The following MRPL1 variants were observed in gnomAD, a reference collection of about 807,000 sequenced individuals.
The protein encoded by MRPL1 is mitochondrial ribosomal protein L1, also known as large ribosomal subunit protein uL1m.
In MRPL1, 28 loss-of-function variants were observed where a neutral mutation model predicts 38.0. That is an observed-to-expected ratio of 0.74 (90% confidence interval 0.55 to 1.01). The LOEUF (loss-of-function observed/expected upper bound fraction) is 1.01. Among genes scored for constraint, MRPL1 ranks in the 50% least tolerant of loss-of-function variants. The pLI is 0.00. For synonymous variants in MRPL1, 123 were observed against 126.7 expected, an observed-to-expected ratio of 0.97 and a Z score of 0.20; for missense variants, 358 against 389.8, an observed-to-expected ratio of 0.92 and a Z score of 0.69.
At chr4:77,949,473 G>A (rs1737355973) in intron 7 of MRPL1, among the ~76,000 whole-genome samples, 1 of 152,028 alleles carries the variant, frequency 6.6e-6, no homozygotes, top group Admixed American at 6.6e-5. Flanking sequence ...AAATGTCACT[G>A]TTTTCTTGGG....
intron 1 of MRPL1, among the ~76,000 whole-genome samples, chr4:77,863,461 A>ATTTTTTTT (rs969402527): frequency 0.038 from 4,275 of 112,318 alleles, 288 homozygotes; most frequent in South Asian, 0.057. Context: ...TTGTGCAACA[A>ATTTTTTTT]TTTTTTTTTT....
At chr4:77,893,876 G>C (rs1285555881) in intron 5 of MRPL1, among the ~76,000 whole-genome samples, 1 of 151,994 alleles carries the variant, frequency 6.6e-6, no homozygotes, top group East Asian at 1.9e-4. Flanking sequence ...GTTGTGACTT[G>C]TAACACTTTT....
At chr4:77,942,196 T>A (rs943889859) in intron 7 of MRPL1, among the ~76,000 whole-genome samples, 1 of 152,182 alleles carries the variant, frequency 6.6e-6, no homozygotes, top group Non-Finnish European at 1.5e-5. Context: ...TGGAGTTGAT[T>A]TCTACTTTTA....
intron 7 of MRPL1, among the ~76,000 whole-genome samples, chr4:77,911,642 A>G (rs1177810300): frequency 6.6e-6 from 1 of 152,102 alleles, no homozygotes; most frequent in Non-Finnish European, 1.5e-5. Flanking sequence ...TCATGGTAAT[A>G]ATATGTACCT....
rs775648208 is a variant in MRPL1, at chr4:77,883,369, T to G, written c.271T>G (p.Leu91Val). The G allele has an allele frequency of 3.1e-6, 5 of 1,614,004 alleles. No homozygotes were observed. The highest frequency in any genetic ancestry group is 4.2e-6 in the Non-Finnish European group (5 of 1,179,956). Reference protein sequence around the residue: ...EPEDDVYLKRLYPRQIYEVEK... With the variant: ...EPEDDVYLKRVYPRQIYEVEK... Reference sequence around the variant, plus strand: ...TGAGGATGATGTCTATTTAAAACGCTTATACCCGAGACAGATATATGAGGT... The same window carrying G: ...TGAGGATGATGTCTATTTAAAACGCGTATACCCGAGACAGATATATGAGGT... The change falls in exon 3 of 9, where the codon TTA (leucine) becomes GTA (valine). Residue 91 changes from leucine to valine, a missense_variant. Coordinates refer to ENST00000315567, the MANE Select transcript of MRPL1 (RefSeq NM_020236.4).
intron 1 of MRPL1, among the ~76,000 whole-genome samples, chr4:77,867,129 A>T (rs1578035299): frequency 6.6e-6 from 1 of 152,164 alleles, no homozygotes; most frequent in African/African-American, 2.4e-5. Context: ...AATCCCTTTT[A>T]TCCTGCAGTG....
chr4:77,931,559 T>C (rs6533345), intron 7 of MRPL1, among the ~76,000 whole-genome samples: 115,496 of 152,206 alleles, frequency 0.76, 44,671 homozygotes, highest in African/African-American at 0.91. Flanking sequence ...TGTTTTTGTG[T>C]GATATATTTT....
chr4:77,896,256 A>T (rs1348012732), intron 6 of MRPL1, among the ~76,000 whole-genome samples: 1 of 149,672 alleles, frequency 6.7e-6, no homozygotes, highest in Admixed American at 6.7e-5. Context: ...CCAAATAATA[A>T]TTTTCCTAAT....
intron 7 of MRPL1, among the ~76,000 whole-genome samples, chr4:77,918,412 G>T (rs954817522): frequency 1.3e-5 from 2 of 152,096 alleles, no homozygotes; most frequent in East Asian, 3.8e-4. Flanking sequence ...TTTTGTTGTT[G>T]CAGTCTTCTA....
At chr4:77,940,724 G>A (rs1737104792) in intron 7 of MRPL1, among the ~76,000 whole-genome samples, 1 of 152,098 alleles carries the variant, frequency 6.6e-6, no homozygotes, top group Admixed American at 6.6e-5. Context: ...TCCCATCTAT[G>A]CTGATTTTGC....
intron 7 of MRPL1, among the ~76,000 whole-genome samples, chr4:77,948,957 G>A (rs1239570337): frequency 6.6e-6 from 1 of 152,080 alleles, no homozygotes; most frequent in Admixed American, 6.5e-5. Context: ...TTTTAGTAGA[G>A]ACAGGGTTTC....
At chr4:77,900,612 T>C (rs1426342342) in intron 6 of MRPL1, among the ~76,000 whole-genome samples, 2 of 152,240 alleles carry the variant, frequency 1.3e-5, no homozygotes, top group Non-Finnish European at 2.9e-5. Flanking sequence ...TCATTTGGTA[T>C]ATAAAATGTT....
At chr4:77,920,733 C>A (rs995608475) in intron 7 of MRPL1, among the ~76,000 whole-genome samples, 1 of 152,038 alleles carries the variant, frequency 6.6e-6, no homozygotes, top group South Asian at 2.1e-4. Flanking sequence ...TGCTTTTATT[C>A]CCTCTATAGT....
At chr4:77,916,854 T>C (rs1162945928) in intron 7 of MRPL1, among the ~76,000 whole-genome samples, 13 of 152,174 alleles carry the variant, frequency 8.5e-5, no homozygotes, top group Admixed American at 8.5e-4. Context: ...AAATAGAGTA[T>C]ATGTTGAAAA....
rs1560456242 is a variant in MRPL1 at position 77,862,838 on chromosome 4, GA to G, written c.-10del. ...GGAACAATTTCGTGAACGCAATCCG[GA>G]GTGCCCAACATGGCGGCGGCCGTAA... On this transcript the variant is annotated 5_prime_UTR_variant, in exon 1 of 9. Transcript: ENST00000315567. The G allele has an allele frequency of 6.2e-7, 1 of 1,614,070 alleles. No individual in the cohort carries two copies. Among genetic ancestry groups the G allele is most frequent in the Admixed American group, 1.7e-5 (1 of 60,000 alleles).
chr4:77,873,224 A>T (rs1335482906), intron 2 of MRPL1, among the ~76,000 whole-genome samples: 2 of 152,144 alleles, frequency 1.3e-5, no homozygotes, highest in African/African-American at 2.4e-5. Context: ...ATTTCACAAC[A>T]CTCTGTGAAG....
intron 7 of MRPL1, among the ~76,000 whole-genome samples, chr4:77,947,334 A>G (rs1256185466): frequency 6.6e-6 from 1 of 152,208 alleles, no homozygotes; most frequent in Admixed American, 6.5e-5. Context: ...TGCAGTGGAT[A>G]ATCACTTTAG....
At chr4:77,950,424 A>T (rs1423682979) in intron 8 of MRPL1, among the ~76,000 whole-genome samples, 1 of 152,210 alleles carries the variant, frequency 6.6e-6, no homozygotes, top group Non-Finnish European at 1.5e-5. Flanking sequence ...CAGTTTCTTT[A>T]TCATTGCGTT....
chr4:77,937,074 G>A (rs767937202), intron 7 of MRPL1, among the ~76,000 whole-genome samples: 1 of 151,970 alleles, frequency 6.6e-6, no homozygotes, highest in Non-Finnish European at 1.5e-5. Context: ...GTAATGAGGT[G>A]TGTTAGTGTC....
Sources: allele counts gnomAD v4.1 joint callset (sites outside exome capture counted in the v4.1 genomes callset), GRCh38; gene constraint gnomAD v4.1.1; transcripts MANE v1.5; gene names NCBI Gene and HGNC (gene_info 2026-07-23, HGNC 2026-07-21).